GUCY1A1: variants seen among roughly 807,000 people sequenced by gnomAD.
GUCY1A1 encodes the protein guanylate cyclase soluble subunit alpha-1.
In GUCY1A1, 48 loss-of-function variants were observed where a neutral mutation model predicts 64.5. That is an observed-to-expected ratio of 0.74 (90% CI 0.59 to 0.95). The LOEUF is 0.95. GUCY1A1 is among the 40% of genes least tolerant of loss of function. GUCY1A1 has a pLI of 0.00. For missense variants in GUCY1A1, 804 were observed against 825.3 expected, an observed-to-expected ratio of 0.97 and a Z score of 0.32; for synonymous variants, 308 against 303.4, an observed-to-expected ratio of 1.02 and a Z score of -0.16.
chr4:155,707,735 T>G (rs939372295), intron 4 of GUCY1A1, among the ~76,000 whole-genome samples: 36 of 152,192 alleles, frequency 2.4e-4, no homozygotes, highest in African/African-American at 8.7e-4. Context: ...TTTCCAACAT[T>G]GTTCTGGATG....
intron 9 of GUCY1A1, among the ~76,000 whole-genome samples, chr4:155,722,919 T>C (rs1193901180): frequency 3.2e-4 from 48 of 152,058 alleles, no homozygotes; most frequent in Admixed American, 3.1e-3. Flanking sequence ...GTTTGGTGTA[T>C]GGAGTCTTAT....
chr4:155,711,371 GGTAAAAGAATT>G, intron 6 of GUCY1A1, 120 bp downstream of exon 6: 1 of 553,360 alleles, frequency 1.8e-6, no homozygotes, highest in South Asian at 3.0e-5. Context: ...GTAAAACAAT[GGTAAAAGAATT>G]GTAAAGCTGT....
rs753111846 is a variant in GUCY1A1 at position 155,697,001 on chromosome 4, C to T, written c.134C>T (p.Pro45Leu). The change falls in exon 3 of 10, where the codon CCC (proline) becomes CTC (leucine). Residue 45 changes from proline (P) to leucine (L), a missense_variant. By Grantham distance (98) the Pro-to-Leu change is moderately conservative (BLOSUM62 -3). Coordinates refer to ENST00000506455, the MANE Select transcript of GUCY1A1 (RefSeq NM_001130682.3). ...GSSESCKATV[P>L]ICQDIPEKNI... ...TCAGAGAGCTGCAAAGCAACCGTGC[C>T]CATCTGTCAAGACATTCCTGAGAAG... The T allele has an allele frequency of 1.2e-6, 2 of 1,613,674 alleles. No individual in the cohort carries two copies. Among genetic ancestry groups the T allele is most frequent in the Admixed American group, 3.3e-5 (2 of 59,956 alleles).
intron 3 of GUCY1A1, 60 bp from the exon 4 acceptor site, chr4:155,703,872 A>T: frequency 9.7e-7 from 1 of 1,029,906 alleles, no homozygotes; most frequent in Non-Finnish European, 1.5e-6. Flanking sequence ...TTTTAAATAT[A>T]TAATTCCAAA....
At chr4:155,725,291 C>T (rs1734508252) in intron 9 of GUCY1A1, among the ~76,000 whole-genome samples, 1 of 152,022 alleles carries the variant, frequency 6.6e-6, no homozygotes. Flanking sequence ...GGTATGAAAA[C>T]AACTCAGTAT....
chr4:155,670,211 T>G (rs1733943740), intron 2 of GUCY1A1, among the ~76,000 whole-genome samples: 1 of 152,226 alleles, frequency 6.6e-6, no homozygotes, highest in Non-Finnish European at 1.5e-5. Flanking sequence ...GCCACTTTTC[T>G]TAAACATTTC....
At chr4:155,723,481 A>C (rs1734237873) in intron 9 of GUCY1A1, among the ~76,000 whole-genome samples, 1 of 152,114 alleles carries the variant, frequency 6.6e-6, no homozygotes, top group Non-Finnish European at 1.5e-5. Context: ...TATATCTTTC[A>C]TGTACATTTT....
Position 155,732,050 on chromosome 4 carries a change from C to G in GUCY1A1, c.*1819C>G, listed in dbSNP as rs1380051816. The G allele has an allele frequency of 6.6e-6, 1 of 151,630 alleles. No individual in the cohort carries two copies. Among genetic ancestry groups the G allele is most frequent in the Admixed American group, 6.6e-5 (1 of 15,182 alleles). The allele number at this position is 151,630 out of a possible 1,614,324, so 9.4% of individuals were successfully genotyped here. On this transcript the variant is annotated 3_prime_UTR_variant, in exon 10 of 10. Transcript: ENST00000506455. ...ATACATTTTTCTTTCTGGAACCGAA[C>G]TCTTATTATGGGGAAATAATAGAAA...
At position 155,722,546 on chromosome 4, in the gene GUCY1A1, G is replaced by A. The variant is rs542945056; in HGVS notation, c.1871+354G>A. The A allele has an allele frequency of 3.8e-4, 226 of 590,188 alleles. No individual in the cohort carries two copies. In the African/African-American group the frequency reaches 4.2e-3, roughly 11 times the overall value. The allele number at this position is 590,188 out of a possible 1,614,324, so 36.6% of individuals were successfully genotyped here. Reference sequence around the variant, plus strand: ...TTCTGGCAGTAAACACCCAGACTCAGCACAGTCATAACCACAAGTTACAGG... The same window carrying A: ...TTCTGGCAGTAAACACCCAGACTCAACACAGTCATAACCACAAGTTACAGG... On this transcript the variant is annotated intron_variant, in intron 9 of 9. Coordinates refer to ENST00000506455, the MANE Select transcript of GUCY1A1 (RefSeq NM_001130682.3).
intron 9 of GUCY1A1, 182 bp downstream of exon 9, chr4:155,722,374 A>G: frequency 7.1e-7 from 1 of 1,408,302 alleles, no homozygotes; most frequent in Non-Finnish European, 9.2e-7. Flanking sequence ...GCCTCCTAAG[A>G]ATGACTTGCC....
chr4:155,670,235 T>C (rs1733946977), intron 2 of GUCY1A1, among the ~76,000 whole-genome samples: 1 of 152,218 alleles, frequency 6.6e-6, no homozygotes, highest in Non-Finnish European at 1.5e-5. Context: ...TTATTACTTT[T>C]CTGCACATTT....
intron 2 of GUCY1A1, among the ~76,000 whole-genome samples, chr4:155,686,979 C>T (rs1417749327): frequency 1.3e-5 from 2 of 152,028 alleles, no homozygotes; most frequent in East Asian, 1.9e-4. Context: ...TTGGTATATT[C>T]TCTAATGCTC....
rs1333352977 is a variant in GUCY1A1, at chr4:155,731,435, G to A, written c.*1204G>A. ...ATATCTTGACTTAAAAAAAACGACT[G>A]TTAGTATTGATGAAGCAAATGAGGC... is the stretch of plus-strand genomic sequence containing the variant. On this transcript the variant is annotated 3_prime_UTR_variant, in exon 10 of 10. Transcript: ENST00000506455. 6.6e-6 allele frequency: 1 copy of A among 151,758 alleles called. No individual in the cohort carries two copies. The highest frequency in any genetic ancestry group is 6.6e-5 in the Admixed American group (1 of 15,186). The allele number at this position is 151,758 out of a possible 1,614,324, so 9.4% of individuals were successfully genotyped here.
chr4:155,729,381 A>G (rs1462773392), intron 9 of GUCY1A1, among the ~76,000 whole-genome samples: 1 of 151,870 alleles, frequency 6.6e-6, no homozygotes, highest in Non-Finnish European at 1.5e-5. Flanking sequence ...ATGAACAAGT[A>G]GTAAAATAGC....
chr4:155,675,595 T>G (rs1162729432), intron 2 of GUCY1A1, among the ~76,000 whole-genome samples: 2 of 151,626 alleles, frequency 1.3e-5, no homozygotes, highest in African/African-American at 2.4e-5. Flanking sequence ...TCCAGCTCTA[T>G]CCCAAATAAC....
At chr4:155,707,431 C>T (rs961128575) in intron 4 of GUCY1A1, among the ~76,000 whole-genome samples, 5 of 152,110 alleles carry the variant, frequency 3.3e-5, no homozygotes, top group Admixed American at 6.6e-5. Context: ...TGTAGAGTAC[C>T]GGTTGTTTAC....
At chr4:155,705,201 C>A (rs1399594817) in intron 4 of GUCY1A1, among the ~76,000 whole-genome samples, 2 of 152,196 alleles carry the variant, frequency 1.3e-5, no homozygotes, top group South Asian at 2.1e-4. Flanking sequence ...TCTAAAGTTA[C>A]ATTTTTTAAA....
chr4:155,722,393 T>C (rs1579117519), intron 9 of GUCY1A1: 1 of 1,394,006 alleles, frequency 7.2e-7, no homozygotes, highest in Non-Finnish European at 9.3e-7. Context: ...CCTGAGGTGT[T>C]TGTGGCCCAG....
At chr4:155,709,286 G>A (rs112225238) in intron 5 of GUCY1A1, among the ~76,000 whole-genome samples, 1 of 152,042 alleles carries the variant, frequency 6.6e-6, no homozygotes, top group Non-Finnish European at 1.5e-5. Flanking sequence ...CTTATAAGAC[G>A]GCCTGACCCA....
Sources: gnomAD v4.1 joint callset for allele counts (sites outside exome capture counted in the v4.1 genomes callset) on GRCh38, gnomAD v4.1.1 for gene constraint, MANE v1.5 for transcripts, NCBI Gene and HGNC (gene_info 2026-07-23, HGNC 2026-07-21) for gene names.